Variants in ITFG1 observed in about 807,000 individuals in gnomAD.
ITFG1 encodes T-cell immunomodulatory protein.
A neutral mutation model predicts 81.8 loss-of-function variants in ITFG1; 34 were observed. The ratio of observed to expected loss-of-function variants is 0.42; its 90% CI spans 0.32 to 0.55. The LOEUF (loss-of-function observed/expected upper bound fraction) is 0.55. Ranked by LOEUF, ITFG1 falls within the 20% of genes least tolerant of loss-of-function variation. The pLI is 0.17. For synonymous variants in ITFG1, 285 were observed against 270.6 expected (o/e 1.05, Z -0.52); for missense variants, 672 against 755.4 (o/e 0.89, Z 1.29).
At chr16:47,235,295 G>T (rs16953990) in intron 13 of ITFG1, among the ~76,000 whole-genome samples, 3,067 of 152,236 alleles carry the variant, frequency 0.02, 105 homozygotes, top group African/African-American at 0.07. Context: ...TTGGTGTGTG[G>T]TAACTAAATA....
intron 10 of ITFG1, among the ~76,000 whole-genome samples, chr16:47,266,299 C>A (rs1459372289): frequency 6.6e-6 from 1 of 152,120 alleles, no homozygotes; most frequent in Admixed American, 6.5e-5. Context: ...CTCACTGCAA[C>A]CTCTGCCTCC....
intron 5 of ITFG1, among the ~76,000 whole-genome samples, chr16:47,430,638 A>T (rs973371995): frequency 1.3e-5 from 2 of 152,168 alleles, no homozygotes; most frequent in Non-Finnish European, 2.9e-5. Context: ...TCTCTTTTAC[A>T]AATATTAATT....
intron 2 of ITFG1, among the ~76,000 whole-genome samples, chr16:47,456,996 A>AT (rs981553881): frequency 1.2e-4 from 18 of 152,150 alleles, no homozygotes; most frequent in Admixed American, 7.9e-4. Context: ...TATGCAATCT[A>AT]TTTTTTAAAA....
intron 14 of ITFG1, among the ~76,000 whole-genome samples, chr16:47,207,409 A>G (rs1455557210): frequency 6.6e-6 from 1 of 152,228 alleles, no homozygotes; most frequent in Non-Finnish European, 1.5e-5. Context: ...TAATGGAGGT[A>G]CCACACAATA....
At chr16:47,175,269 A>G (rs1415270560) in intron 14 of ITFG1, among the ~76,000 whole-genome samples, 1 of 151,820 alleles carries the variant, frequency 6.6e-6, no homozygotes, top group Non-Finnish European at 1.5e-5. Context: ...GAGGGTAGAT[A>G]ATATTATTAT....
chr16:47,350,332 A>C (rs909772664), intron 8 of ITFG1, among the ~76,000 whole-genome samples: 12 of 152,176 alleles, frequency 7.9e-5, no homozygotes, highest in African/African-American at 2.7e-4. Flanking sequence ...CTAATAAAGA[A>C]GAAAAGAGAG....
At chr16:47,297,965 A>C (rs72800640) in intron 10 of ITFG1, among the ~76,000 whole-genome samples, 6 of 152,174 alleles carry the variant, frequency 3.9e-5, no homozygotes, top group Non-Finnish European at 8.8e-5. Context: ...GGAAATACCA[A>C]GGATTCATAA....
In ITFG1 at chr16:47,237,986, A is replaced by G; in HGVS notation, c.1353T>C (p.Asn451=). ...TTACTGTTATCTTACGAGGACAGTCATTAGAACACAGACCACTAAGAACTG... is the reference window on the plus strand; with the variant it reads ...TTACTGTTATCTTACGAGGACAGTCGTTAGAACACAGACCACTAAGAACTG... ...KVIVLSGLCS[N]DCPRKITPFG... The change falls in exon 13 of 18, where the codon AAT becomes AAC. Residue 451 remains asparagine (N), a synonymous_variant. Coordinates refer to ENST00000320640, the MANE Select transcript of ITFG1 (RefSeq NM_030790.5). The G allele has an allele frequency of 6.8e-7, 1 of 1,470,050 alleles. No individual in the cohort carries two copies. Among genetic ancestry groups the G allele is most frequent in the Non-Finnish European group, 9.3e-7 (1 of 1,079,182 alleles). The allele number at this position is 1,470,050 out of a possible 1,614,324, so 91.1% of individuals were successfully genotyped here.
At chr16:47,190,635 C>G (rs1297070302) in intron 14 of ITFG1, among the ~76,000 whole-genome samples, 1 of 152,142 alleles carries the variant, frequency 6.6e-6, no homozygotes, top group Admixed American at 6.5e-5. Flanking sequence ...CTGAGCTTCC[C>G]GAACATATGT....
chr16:47,276,180 TAAGAA>T (rs1966396700), intron 10 of ITFG1, among the ~76,000 whole-genome samples: 1 of 152,032 alleles, frequency 6.6e-6, no homozygotes, highest in African/African-American at 2.4e-5. Context: ...ATTATTAGAA[TAAGAA>T]AATAGTCAGA....
Position 47,261,024 on chromosome 16 carries a change from G to C in ITFG1, c.1071-329C>G, listed in dbSNP as rs544003409. On this transcript the variant is annotated intron_variant, in intron 10 of 17. Coordinates refer to ENST00000320640, the MANE Select transcript of ITFG1 (RefSeq NM_030790.5). ...CCTGCACACTGTCATTATCTGTTTA[G>C]ATGTGTATTACTTTTCACTGAATAT... Among the ~76,000 whole-genome samples, 416 of 152,266 alleles carry C rather than the reference G, an allele frequency of 2.7e-3. 1 individual carries two copies. Among genetic ancestry groups the C allele is most frequent in the Middle Eastern group, 6.8e-3 (2 of 294 alleles).
intron 6 of ITFG1, among the ~76,000 whole-genome samples, chr16:47,403,324 C>T (rs1160237526): frequency 6.6e-6 from 1 of 151,346 alleles, no homozygotes. Flanking sequence ...TTCTAGGGTC[C>T]ACTGTATTAT....
chr16:47,438,982 G>C (rs1317220774), intron 5 of ITFG1, among the ~76,000 whole-genome samples: 2 of 152,110 alleles, frequency 1.3e-5, no homozygotes, highest in Non-Finnish European at 2.9e-5. Flanking sequence ...ATGCAGAGAA[G>C]CCCTTAAAGG....
chr16:47,275,934 A>T (rs1233055925), intron 10 of ITFG1, among the ~76,000 whole-genome samples: 3 of 152,138 alleles, frequency 2.0e-5, no homozygotes, highest in Non-Finnish European at 2.9e-5. Context: ...CTATTAAGTC[A>T]TACATGGTTC....
chr16:47,207,724 G>A (rs933669439), intron 14 of ITFG1, among the ~76,000 whole-genome samples: 1 of 152,182 alleles, frequency 6.6e-6, no homozygotes, highest in African/African-American at 2.4e-5. Flanking sequence ...AACTTGCAGG[G>A]CCCTGGGGGC....
At chr16:47,436,462 T>G (rs1290178077) in intron 5 of ITFG1, among the ~76,000 whole-genome samples, 2 of 152,132 alleles carry the variant, frequency 1.3e-5, no homozygotes, top group African/African-American at 4.8e-5. Context: ...AGGTAAAATT[T>G]TATTGGAAAC....
intron 6 of ITFG1, among the ~76,000 whole-genome samples, chr16:47,403,583 T>C (rs1968689552): frequency 6.6e-6 from 1 of 152,208 alleles, no homozygotes; most frequent in Non-Finnish European, 1.5e-5. Context: ...GGTTATTAGA[T>C]GACATTATGC....
intron 6 of ITFG1, among the ~76,000 whole-genome samples, chr16:47,390,497 C>T (rs1567483594): frequency 6.6e-6 from 1 of 152,122 alleles, no homozygotes; most frequent in Non-Finnish European, 1.5e-5. Flanking sequence ...CTTACTCTGT[C>T]GCCCAGGCTG....
intron 14 of ITFG1, among the ~76,000 whole-genome samples, chr16:47,181,550 GT>G (rs1316736124): frequency 8.1e-6 from 1 of 122,890 alleles, no homozygotes; most frequent in African/African-American, 3.6e-5. Context: ...TGGCAGGGAG[GT>G]GGGGGGGGGT....
Sources: allele counts gnomAD v4.1 joint callset (sites outside exome capture counted in the v4.1 genomes callset), GRCh38; gene constraint gnomAD v4.1.1; transcripts MANE v1.5; gene names NCBI Gene and HGNC (gene_info 2026-07-23, HGNC 2026-07-21).